The following SMAP1 variants were observed in gnomAD, a reference collection of about 807,000 sequenced individuals.
SMAP1 encodes small ArfGAP 1, also known as stromal membrane-associated protein 1.
SMAP1 carries 24 observed loss-of-function variants against 58.5 expected under a neutral mutation model. The ratio of observed to expected loss-of-function variants is 0.41; its 90% CI spans 0.30 to 0.58. The LOEUF (loss-of-function observed/expected upper bound fraction) is 0.58, where lower values mean the gene tolerates loss of function less well. Ranked by LOEUF, SMAP1 falls within the 20% of genes least tolerant of loss-of-function variation. The pLI, the probability that SMAP1 is intolerant of heterozygous loss-of-function variation, is 0.29. For synonymous variants in SMAP1, 216 were observed against 196.6 expected (o/e 1.10, Z -0.82); for missense variants, 563 against 566.3 (o/e 0.99, Z 0.06).
chr6:70,774,460 A>G (rs1455967454), intron 4 of SMAP1, among the ~76,000 whole-genome samples: 1 of 152,228 alleles, frequency 6.6e-6, no homozygotes, highest in Non-Finnish European at 1.5e-5. Context: ...CTCATTTTTC[A>G]TACAAACTGG....
intron 5 of SMAP1, among the ~76,000 whole-genome samples, chr6:70,792,252 A>G (rs1317791100): frequency 6.6e-6 from 1 of 151,966 alleles, no homozygotes; most frequent in Non-Finnish European, 1.5e-5. Flanking sequence ...TAGGGTGCAG[A>G]TACTACCACT....
chr6:70,857,890 C>T (rs776390021), intron 9 of SMAP1, 32 bp from the exon 10 acceptor site: 2 of 1,603,306 alleles, frequency 1.2e-6, no homozygotes, highest in Non-Finnish European at 1.7e-6. Flanking sequence ...CGTGATAGCT[C>T]TGTCTTCATT....
intron 1 of SMAP1, among the ~76,000 whole-genome samples, chr6:70,729,491 G>GTGTA (rs1284478788): frequency 1.3e-5 from 2 of 150,560 alleles, no homozygotes; most frequent in African/African-American, 4.9e-5. Context: ...GTGTGTGTGT[G>GTGTA]TGTATGTGTG....
At chr6:70,692,439 T>G (rs1767209134) in intron 1 of SMAP1, among the ~76,000 whole-genome samples, 1 of 152,250 alleles carries the variant, frequency 6.6e-6, no homozygotes, top group African/African-American at 2.4e-5. Context: ...TAACTTGATG[T>G]GATCCCATTT....
intron 6 of SMAP1, among the ~76,000 whole-genome samples, chr6:70,813,357 GAACAGCAATGAATTGAAAATAAA>G (rs1769473249): frequency 6.6e-6 from 1 of 151,926 alleles, no homozygotes; most frequent in Admixed American, 6.6e-5. Flanking sequence ...TTACAAGTGA[GAACAGCAATGAATTGAAAATAAA>G]ATAGGCTTAA....
At chr6:70,763,185 TTCCAACAACACATGTTTACTTTGGGTC>T in intron 3 of SMAP1, among the ~76,000 whole-genome samples, 2 of 144,962 alleles carry the variant, frequency 1.4e-5, no homozygotes, top group Admixed American at 1.4e-4. Context: ...GCGCCATATT[TTCCAACAACACATGTTTACTTTGGGTC>T]TCCATGTCAC....
chr6:70,857,761 C>T (rs1239833617), intron 9 of SMAP1, 161 bp from the exon 10 acceptor site: 18 of 645,820 alleles, frequency 2.8e-5, no homozygotes, highest in Admixed American at 8.9e-5. Context: ...AACCAGCTCT[C>T]AGGGTTTAGG....
chr6:70,694,456 TA>T (rs1767315389), intron 1 of SMAP1: 1 of 154,668 alleles, frequency 6.5e-6, no homozygotes. Flanking sequence ...AATCTGTACT[TA>T]ACCCAGCAGT....
chr6:70,776,253 G>T (rs1040711322), intron 4 of SMAP1, among the ~76,000 whole-genome samples: 2 of 152,050 alleles, frequency 1.3e-5, no homozygotes, highest in African/African-American at 4.8e-5. Context: ...CGCAATCTTG[G>T]CTCACTGCAA....
intron 3 of SMAP1, among the ~76,000 whole-genome samples, chr6:70,763,896 T>C (rs1457591076): frequency 3.3e-5 from 5 of 152,088 alleles, no homozygotes; most frequent in Admixed American, 2.0e-4. Flanking sequence ...TAGCATAGGT[T>C]GAGTCATGAG....
intron 1 of SMAP1, among the ~76,000 whole-genome samples, chr6:70,726,408 A>C (rs1344179230): frequency 2.6e-5 from 4 of 152,254 alleles, no homozygotes; most frequent in Admixed American, 2.0e-4. Flanking sequence ...TGTTTCTCAG[A>C]AAAGACAGAT....
rs1008401966 is a variant in SMAP1 at position 70,696,703 on chromosome 6, G to A, written c.118+28562G>A. ...AAAATGATCCATGTGCTGAGGAGAA[G>A]AATGTGTATTCTGCAGCTGTTGGAT... On this transcript the variant is annotated intron_variant, in intron 1 of 10. Transcript: ENST00000370455. Among the ~76,000 whole-genome samples, 3 of 152,172 alleles carry A rather than the reference G, an allele frequency of 2.0e-5. No homozygotes were observed. In the East Asian group the frequency reaches 5.8e-4, roughly 29 times the overall value.
intron 6 of SMAP1, among the ~76,000 whole-genome samples, chr6:70,821,778 C>G (rs1769901866): frequency 6.6e-6 from 1 of 152,088 alleles, no homozygotes; most frequent in Non-Finnish European, 1.5e-5. Flanking sequence ...AAGAAGAAAC[C>G]CGCCAGAGAT....
At chr6:70,785,747 A>T (rs1767990970) in intron 4 of SMAP1, among the ~76,000 whole-genome samples, 1 of 152,246 alleles carries the variant, frequency 6.6e-6, no homozygotes, top group Non-Finnish European at 1.5e-5. Context: ...CCAAGAGTAA[A>T]CCAGGAAGAA....
At chr6:70,831,565 A>G (rs965585571) in intron 6 of SMAP1, among the ~76,000 whole-genome samples, 2 of 152,200 alleles carry the variant, frequency 1.3e-5, no homozygotes, top group Non-Finnish European at 2.9e-5. Context: ...AATGGCCTCC[A>G]GCTCCATCAG....
chr6:70,793,018 A>G (rs1768434680), intron 5 of SMAP1, among the ~76,000 whole-genome samples: 2 of 151,972 alleles, frequency 1.3e-5, no homozygotes, highest in South Asian at 4.1e-4. Flanking sequence ...AGAGAGTGTA[A>G]TTTTTAAATT....
intron 1 of SMAP1, among the ~76,000 whole-genome samples, chr6:70,698,681 T>C (rs921714035): frequency 1.3e-5 from 2 of 152,210 alleles, no homozygotes; most frequent in African/African-American, 4.8e-5. Flanking sequence ...TGAGAGACTC[T>C]GACGCATTCT....
Position 70,834,975 on chromosome 6 carries a change from C to T in SMAP1, c.577-1966C>T, listed in dbSNP as rs866244554. Among the ~76,000 whole-genome samples, 9 of 151,842 alleles carry T rather than the reference C, an allele frequency of 5.9e-5. No individual in the cohort carries two copies. In the South Asian group the frequency reaches 1.3e-3, roughly 21 times the overall value. ...AGAGTTATTAAAGAATTGGGCCGGGCGCAGTGGCTCACGCCTGTAATCCCA... is the reference window on the plus strand; with the variant it reads ...AGAGTTATTAAAGAATTGGGCCGGGTGCAGTGGCTCACGCCTGTAATCCCA... On this transcript the variant is annotated intron_variant, in intron 6 of 10. Coordinates refer to ENST00000370455, the MANE Select transcript of SMAP1 (RefSeq NM_001044305.3).
chr6:70,779,408 TG>T (rs1440170816), intron 4 of SMAP1, among the ~76,000 whole-genome samples: 1 of 152,156 alleles, frequency 6.6e-6, no homozygotes, highest in Non-Finnish European at 1.5e-5. Context: ...TCCCAGTGGG[TG>T]GGTGAGATCC....
Sources: gnomAD v4.1 joint callset for allele counts (sites outside exome capture counted in the v4.1 genomes callset) on GRCh38, gnomAD v4.1.1 for gene constraint, MANE v1.5 for transcripts, NCBI Gene and HGNC (gene_info 2026-07-23, HGNC 2026-07-21) for gene names.